HSPA12A: variants seen among roughly 807,000 people sequenced by gnomAD.
The protein encoded by HSPA12A is heat shock protein family A (Hsp70) member 12A, also known as heat shock 70 kDa protein 12A.
Under a neutral mutation model 69.2 loss-of-function variants are expected in HSPA12A, and 28 were observed. That is an observed-to-expected ratio of 0.40 (90% CI 0.30 to 0.55). The LOEUF is 0.55. Ranked by LOEUF, HSPA12A falls within the 20% of genes least tolerant of loss-of-function variation. HSPA12A has a pLI of 0.38. For missense variants in HSPA12A, 686 were observed against 900.7 expected, an observed-to-expected ratio of 0.76 and a Z score of 3.05; for synonymous variants, 345 against 370.5, an observed-to-expected ratio of 0.93 and a Z score of 0.79.
At chr10:116,810,248 G>C (rs544760678) in intron 2 of HSPA12A, among the ~76,000 whole-genome samples, 13 of 152,042 alleles carry the variant, frequency 8.6e-5, no homozygotes, top group Admixed American at 6.5e-4. Flanking sequence ...GGCGGGAAGC[G>C]CTCTTGAAAC....
At chr10:116,677,057 C>G (rs1240737246) in intron 10 of HSPA12A, among the ~76,000 whole-genome samples, 1 of 152,088 alleles carries the variant, frequency 6.6e-6, no homozygotes, top group Non-Finnish European at 1.5e-5. Context: ...CTAGCCTGGC[C>G]ACCACCACTG....
chr10:116,719,416 A>G (rs1850707175), intron 1 of HSPA12A, among the ~76,000 whole-genome samples: 2 of 152,214 alleles, frequency 1.3e-5, no homozygotes, highest in African/African-American at 4.8e-5. Context: ...AGCCACCACC[A>G]AAGGAACCTC....
chr10:116,844,109 G>C lies in HSPA12A; in HGVS notation c.3+5457C>G, dbSNP rs150233875. ...ACCTGAGAGAGTTCTAGCTTTGAGA[G>C]GCAGTGGAGCACAAGGGGAAATACA... On this transcript the variant is annotated intron_variant, in intron 1 of 12. Transcript: ENST00000635765. 2.6e-5 allele frequency among the ~76,000 whole-genome samples: 4 copies of C among 152,314 alleles called. No individual in the cohort carries two copies. In the East Asian group the frequency reaches 7.7e-4, roughly 29 times the overall value.
chr10:116,688,976 T>C (rs907777599), intron 6 of HSPA12A, among the ~76,000 whole-genome samples: 16 of 152,342 alleles, frequency 1.1e-4, no homozygotes, highest in African/African-American at 3.8e-4. Context: ...GGTCTAAAGA[T>C]GGCTTGAGTC....
chr10:116,697,857 A>T (rs1026383237), intron 5 of HSPA12A, among the ~76,000 whole-genome samples: 9 of 71,550 alleles, frequency 1.3e-4, no homozygotes, highest in African/African-American at 4.5e-4. Flanking sequence ...AGCCCTGCGC[A>T]GAAAAAGTCT....
At chr10:116,728,962 G>C (rs1242576514) in intron 1 of HSPA12A, among the ~76,000 whole-genome samples, 2 of 152,110 alleles carry the variant, frequency 1.3e-5, no homozygotes, top group Admixed American at 1.3e-4. Flanking sequence ...AAGCCTCCCG[G>C]GGCAAGGGCC....
At chr10:116,679,791 G>T in intron 9 of HSPA12A, 30 bp from the exon 10 acceptor site, 1 of 1,606,872 alleles carries the variant, frequency 6.2e-7, no homozygotes. Context: ...GGAGGCCATG[G>T]TGTTAAAAAC....
chr10:116,698,583 A>C (rs958451970), intron 5 of HSPA12A, 52 bp downstream of exon 5: 8 of 1,439,016 alleles, frequency 5.6e-6, no homozygotes, highest in African/African-American at 1.4e-5. Context: ...CGGAGCTGGC[A>C]CGGGTGCCAC....
chr10:116,731,966 C>T (rs1851165978), intron 1 of HSPA12A, among the ~76,000 whole-genome samples: 2 of 152,070 alleles, frequency 1.3e-5, no homozygotes, highest in South Asian at 2.1e-4. Flanking sequence ...CACATTTGCC[C>T]TAAAGATGGG....
At chr10:116,689,421 G>A (rs2132932702) in intron 6 of HSPA12A, among the ~76,000 whole-genome samples, 1 of 152,172 alleles carries the variant, frequency 6.6e-6, no homozygotes, top group East Asian at 1.9e-4. Context: ...ATGCACTTTG[G>A]GTAGAAGGGT....
intron 2 of HSPA12A, among the ~76,000 whole-genome samples, chr10:116,774,049 C>G (rs1248687895): frequency 2.0e-5 from 3 of 151,518 alleles, no homozygotes; most frequent in Non-Finnish European, 2.9e-5. Context: ...TCGCTCTGTC[C>G]CCCAGGCTGG....
At chr10:116,775,578 G>C (rs1447086944) in intron 2 of HSPA12A, among the ~76,000 whole-genome samples, 3 of 152,174 alleles carry the variant, frequency 2.0e-5, no homozygotes, top group Admixed American at 2.0e-4. Context: ...CACCCGATGA[G>C]AGGGGATGGA....
At chr10:116,806,615 A>T (rs1238549588) in intron 2 of HSPA12A, among the ~76,000 whole-genome samples, 1 of 152,182 alleles carries the variant, frequency 6.6e-6, no homozygotes, top group Admixed American at 6.5e-5. Flanking sequence ...CACAAGGTAA[A>T]ATGTGCAGCC....
chr10:116,786,087 C>T (rs1335834427), intron 2 of HSPA12A, among the ~76,000 whole-genome samples: 2 of 152,160 alleles, frequency 1.3e-5, no homozygotes, highest in African/African-American at 4.8e-5. Flanking sequence ...GAGGTTAGCG[C>T]CAGAGAAGCC....
chr10:116,760,540 T>C (rs1316583873), intron 2 of HSPA12A, among the ~76,000 whole-genome samples: 4 of 152,166 alleles, frequency 2.6e-5, no homozygotes, highest in Non-Finnish European at 5.9e-5. Context: ...AACACATGAA[T>C]GTGCCCTCAA....
chr10:116,795,544 G>A lies in HSPA12A; in HGVS notation c.91+39391C>T, dbSNP rs1844800172. The stretch of plus-strand genomic sequence containing the variant: ...AAAAAAAAAATACAAAAATTAGCCA[G>A]GCGTGGTGGAACGTGCCTGTAATCC... On this transcript the variant is annotated intron_variant, in intron 2 of 12. Coordinates refer to the HSPA12A transcript ENST00000635765. Among the ~76,000 whole-genome samples, 8 of 150,620 alleles carry A rather than the reference G, an allele frequency of 5.3e-5. No individual in the cohort carries two copies. In the South Asian group the frequency reaches 1.7e-3, roughly 31 times the overall value.
chr10:116,849,734 A>C (rs1430668040), exon 1 of HSPA12A: 2 of 1,516,572 alleles, frequency 1.3e-6, no homozygotes, highest in Non-Finnish European at 1.8e-6. Flanking sequence ...GGCACCTGGT[A>C]GGGACCTGGG....
chr10:116,700,605 T>C (rs1554881505), intron 4 of HSPA12A, among the ~76,000 whole-genome samples: 1 of 152,018 alleles, frequency 6.6e-6, no homozygotes, highest in African/African-American at 2.4e-5. Context: ...ATCCAGAAAC[T>C]AAAGGGAGAA....
In HSPA12A at chr10:116,846,590, C is replaced by T. The variant is rs577102739; in HGVS notation, c.3+2976G>A. ...GTCTTGATCTCCTGACCTCGTGATC[C>T]GCCCGCCTCGGCTTCCCAAAGTGTT... On this transcript the variant is annotated intron_variant, in intron 1 of 12. Coordinates refer to the HSPA12A transcript ENST00000635765. 1.1e-3 allele frequency among the ~76,000 whole-genome samples: 168 copies of T among 152,158 alleles called. 1 individual carries two copies. The highest frequency in any genetic ancestry group is 3.9e-3 in the African/African-American group (161 of 41,528).
Sources: gnomAD v4.1 joint callset for allele counts (sites outside exome capture counted in the v4.1 genomes callset) on GRCh38, gnomAD v4.1.1 for gene constraint, MANE v1.5 for transcripts, NCBI Gene and HGNC (gene_info 2026-07-23, HGNC 2026-07-21) for gene names.